Variants in C5orf34 observed in about 807,000 individuals in gnomAD.
The protein encoded by C5orf34 is uncharacterized protein C5orf34.
A neutral mutation model predicts 78.4 loss-of-function variants in C5orf34; 73 were observed. The ratio of observed to expected loss-of-function variants is 0.93; its 90% CI spans 0.77 to 1.13. The LOEUF (loss-of-function observed/expected upper bound fraction) is 1.13. Ranked by LOEUF, C5orf34 falls within the 50% of genes most tolerant of loss-of-function variation. The pLI is 0.00. For synonymous variants in C5orf34, 251 were observed against 246.6 expected (o/e 1.02, Z -0.17); for missense variants, 730 against 732.7 (o/e 1.00, Z 0.04).
intron 6 of C5orf34, chr5:43,495,410 G>C: frequency 6.2e-7 from 1 of 1,611,606 alleles, no homozygotes; most frequent in Non-Finnish European, 8.5e-7. Flanking sequence ...TATTTGGCCT[G>C]GATGGTTCAG....
chr5:43,495,526 A>T (rs1745471736), intron 6 of C5orf34: 2 of 1,609,942 alleles, frequency 1.2e-6, no homozygotes, highest in African/African-American at 2.7e-5. Flanking sequence ...CATTCTTGAC[A>T]TTGAAGCCCA....
chr5:43,512,929 C>T (rs1403720193), intron 1 of C5orf34, among the ~76,000 whole-genome samples: 1 of 151,850 alleles, frequency 6.6e-6, no homozygotes, highest in African/African-American at 2.4e-5. Flanking sequence ...ACTACAGGTG[C>T]GTGCCACCAC....
In C5orf34 at chr5:43,509,294, G is replaced by C; in HGVS notation, c.46C>G (p.Gln16Glu). 1 of 1,613,532 alleles carries C rather than the reference G, an allele frequency of 6.2e-7. No homozygotes were observed. Among genetic ancestry groups the C allele is most frequent in the Non-Finnish European group, 8.5e-7 (1 of 1,179,820 alleles). The part of the protein sequence containing the change: ...RMILYEDDSV[Q>E]VQYVDGSTLQ... ...GTGGAACCATCAACATATTGTACTT[G>C]TACTGAATCATCTTCATAAAGTATC... The change falls in exon 2 of 13, where the codon CAA becomes GAA. Residue 16 changes from glutamine (Q) to glutamate (E), a missense_variant. Transcript: ENST00000306862.
At chr5:43,513,026 C>A (rs1364151827) in intron 1 of C5orf34, among the ~76,000 whole-genome samples, 1 of 151,954 alleles carries the variant, frequency 6.6e-6, no homozygotes, top group Non-Finnish European at 1.5e-5. Flanking sequence ...TCGTGATCCA[C>A]CCGTTTTGGC....
In C5orf34 at chr5:43,502,386, C is replaced by G. The variant is rs1745794289; in HGVS notation, c.1138G>C (p.Glu380Gln). The G allele has an allele frequency of 6.2e-7, 1 of 1,612,096 alleles. No individual in the cohort carries two copies. Among genetic ancestry groups the G allele is most frequent in the African/African-American group, 1.3e-5 (1 of 74,958 alleles). Residue 380 changes from glutamate (E) to glutamine (Q), a missense_variant, in exon 6 of 13, where the codon GAA (glutamate) becomes CAA (glutamine). Coordinates refer to ENST00000306862, the MANE Select transcript of C5orf34 (RefSeq NM_198566.4). ...TGTTGGCTTACCTTTCCTGATCCTT[C>G]TTGAATAGAATAATAAGTAAAATAG... Reference protein sequence around the residue: ...GNYFTYYSIQEGSGKREEKTY... With the variant: ...GNYFTYYSIQQGSGKREEKTY...
intron 6 of C5orf34, among the ~76,000 whole-genome samples, chr5:43,497,839 G>A (rs556232494): frequency 1.3e-5 from 2 of 152,292 alleles, no homozygotes; most frequent in African/African-American, 2.4e-5. Flanking sequence ...GTTAAAACTG[G>A]AATTAGCGTC....
chr5:43,506,406 G>C lies in C5orf34; in HGVS notation c.286-12C>G. On this transcript the variant is annotated splice_polypyrimidine_tract_variant and intron_variant, in intron 3 of 12. Transcript: ENST00000306862. ...TCAATGAAGATATGCTGCAAGGAGA[G>C]GGGAAAAGAGACGGTGAGTATTTTC... The C allele has an allele frequency of 6.4e-7, 1 of 1,571,452 alleles. No individual in the cohort carries two copies. Among genetic ancestry groups the C allele is most frequent in the Non-Finnish European group, 8.6e-7 (1 of 1,161,282 alleles).
At chr5:43,491,226 A>C (rs1382911713) in intron 10 of C5orf34, among the ~76,000 whole-genome samples, 1 of 152,224 alleles carries the variant, frequency 6.6e-6, no homozygotes, top group African/African-American at 2.4e-5. Flanking sequence ...AAGTTTAATA[A>C]AATGAATGAT....
chr5:43,491,991 C>T lies in C5orf34; in HGVS notation c.1580+224G>A, dbSNP rs549835097. ...TGTACTCCGGCCCAGGCCACAGGAG[C>T]AAAACTCTGTCTCAAAAAAAAAAAA... On this transcript the variant is annotated intron_variant, in intron 10 of 12. Coordinates refer to ENST00000306862, the MANE Select transcript of C5orf34 (RefSeq NM_198566.4). Among the ~76,000 whole-genome samples, 34 of 94,396 alleles carry T rather than the reference C, an allele frequency of 3.6e-4. No individual in the cohort carries two copies. The South Asian group carries it at 0.012, about 33-fold the overall frequency. The allele number at this position is 94,396 out of a possible 152,430, so 61.9% of individuals were successfully genotyped here. A position where few individuals can be genotyped will look rare whatever the true frequency, so the allele number is the denominator to read the frequency against.
At chr5:43,497,135 G>C (rs1745565489) in intron 6 of C5orf34, among the ~76,000 whole-genome samples, 1 of 146,630 alleles carries the variant, frequency 6.8e-6, no homozygotes, top group African/African-American at 2.4e-5. Context: ...ACTGAAATTT[G>C]AAAAAAATTG....
intron 6 of C5orf34, among the ~76,000 whole-genome samples, chr5:43,500,824 T>C (rs1406271766): frequency 6.6e-6 from 1 of 152,260 alleles, no homozygotes; most frequent in East Asian, 1.9e-4. Flanking sequence ...ATTGTTCTTC[T>C]ATATTTTCTT....
chr5:43,508,339 C>T (rs746934294), intron 3 of C5orf34, among the ~76,000 whole-genome samples: 3 of 152,098 alleles, frequency 2.0e-5, no homozygotes, highest in Non-Finnish European at 4.4e-5. Context: ...TGAAAATGGT[C>T]ACATAATTAC....
chr5:43,500,097 C>T (rs1268868505), intron 6 of C5orf34, among the ~76,000 whole-genome samples: 1 of 152,198 alleles, frequency 6.6e-6, no homozygotes, highest in Non-Finnish European at 1.5e-5. Flanking sequence ...ACTTTTCCCA[C>T]ACCCTTCCCA....
intron 1 of C5orf34, among the ~76,000 whole-genome samples, chr5:43,513,562 C>T (rs1342682978): frequency 1.3e-5 from 2 of 152,238 alleles, no homozygotes; most frequent in African/African-American, 4.8e-5. Context: ...CCTACAAAGG[C>T]CACACAGTCT....
At position 43,497,988 on chromosome 5, in the gene C5orf34, C is replaced by T. The variant is rs376396752; in HGVS notation, c.1153-3387G>A. Among the ~76,000 whole-genome samples the T allele has an allele frequency of 4.6e-5, 7 of 152,298 alleles. No homozygotes were observed. In the South Asian group the frequency reaches 8.3e-4, roughly 18 times the overall value. On this transcript the variant is annotated intron_variant, in intron 6 of 12. Transcript: ENST00000306862. ...CCTAGCTAACACCTGTTTTTCCTTC[C>T]GTCTCAGGGAAGCCATTGCAGAGGT...
Position 43,492,308 on chromosome 5 carries a change from A to G in C5orf34, c.1487T>C (p.Val496Ala), listed in dbSNP as rs1482606495. 6.3e-7 allele frequency: 1 copy of G among 1,587,502 alleles called. No individual in the cohort carries two copies. ...CCAACCTAAGTTAAGACCTTGATTTACCTGAAGAAGTAGAAAGATAAGTTT... is the reference window on the plus strand; with the variant it reads ...CCAACCTAAGTTAAGACCTTGATTTGCCTGAAGAAGTAGAAAGATAAGTTT... ...NFSSPIEKRQ[V>A]NQGLNLGWCK... Residue 496 changes from valine (V) to alanine (A), a missense_variant and splice_region_variant, in exon 10 of 13, where the codon GTA (valine) becomes GCA (alanine). Coordinates refer to ENST00000306862, the MANE Select transcript of C5orf34 (RefSeq NM_198566.4).
intron 10 of C5orf34, among the ~76,000 whole-genome samples, chr5:43,491,492 G>A (rs1036822013): frequency 3.3e-5 from 5 of 152,154 alleles, no homozygotes; most frequent in African/African-American, 1.2e-4. Context: ...AAAAGCTGAA[G>A]ACTCTTCCCC....
In C5orf34 at chr5:43,505,894, AT is replaced by A. The variant is rs754428775; in HGVS notation, c.785del (p.His262LeufsTer14). The A allele has an allele frequency of 1.2e-6, 2 of 1,613,968 alleles. No homozygotes were observed. The highest frequency in any genetic ancestry group is 3.3e-5 in the Admixed American group (2 of 60,008). ...KYPLSLALHF[H>X]NKISNMSKID... ...TTTTAGACATATTGCTGATTTTATT[AT>A]GAAAATGAAGTGCTAAAGACAAAGG... On this transcript the variant is annotated frameshift_variant, in exon 4 of 13. Coordinates refer to ENST00000306862, the MANE Select transcript of C5orf34 (RefSeq NM_198566.4). LOFTEE classifies it high-confidence loss of function.
At chr5:43,512,469 G>A (rs577235829) in intron 1 of C5orf34, among the ~76,000 whole-genome samples, 17 of 152,070 alleles carry the variant, frequency 1.1e-4, no homozygotes, top group Admixed American at 5.9e-4. Context: ...ACATTGTTTC[G>A]CAATGGTCGC....
Sources: allele counts gnomAD v4.1 joint callset (sites outside exome capture counted in the v4.1 genomes callset), GRCh38; gene constraint gnomAD v4.1.1; transcripts MANE v1.5; gene names NCBI Gene and HGNC (gene_info 2026-07-23, HGNC 2026-07-21).